Variants in CORIN observed in about 807,000 individuals in gnomAD.
CORIN encodes the protein atrial natriuretic peptide-converting enzyme.
Under a neutral mutation model 125.3 loss-of-function variants are expected in CORIN, and 117 were observed. The observed-to-expected ratio is 0.93, with a 90% CI of 0.80 to 1.09. The LOEUF is 1.09. CORIN is among the 50% of genes least tolerant of loss of function. The pLI is 0.00. For missense variants in CORIN, 1,253 were observed against 1,306.7 expected (o/e 0.96, Z 0.63); for synonymous variants, 450 against 466.4 (o/e 0.96, Z 0.45).
intron 16 of CORIN, among the ~76,000 whole-genome samples, chr4:47,636,399 A>T (rs895268163): frequency 1.3e-5 from 2 of 152,202 alleles, no homozygotes; most frequent in African/African-American, 4.8e-5. Context: ...GATTTGTATC[A>T]TCAATTAAAT....
Position 47,674,520 on chromosome 4 carries a change from C to T in CORIN, c.1250-20G>A, listed in dbSNP as rs1445201542. 1 of 1,465,722 alleles carries T rather than the reference C, an allele frequency of 6.8e-7. No individual in the cohort carries two copies. Among genetic ancestry groups the T allele is most frequent in the Non-Finnish European group, 9.6e-7 (1 of 1,045,040 alleles). 90.8% of individuals were successfully genotyped at this position (1,465,722 alleles called of 1,614,324 possible). The stretch of plus-strand genomic sequence containing the variant: ...TCTGAACTACAGAGGGAGGAAAAGG[C>T]ACATTGGCTTTCATCATCTACAAAT... On this transcript the variant is annotated intron_variant, in intron 9 of 21. Coordinates refer to ENST00000273857, the MANE Select transcript of CORIN (RefSeq NM_006587.4).
intron 4 of CORIN, among the ~76,000 whole-genome samples, chr4:47,751,569 T>C (rs1336980107): frequency 6.6e-6 from 1 of 152,196 alleles, no homozygotes; most frequent in Non-Finnish European, 1.5e-5. Flanking sequence ...CTTGTTTACA[T>C]GGCAAATTTT....
At chr4:47,768,831 T>C (rs1007250156) in intron 3 of CORIN, among the ~76,000 whole-genome samples, 4 of 152,102 alleles carry the variant, frequency 2.6e-5, no homozygotes, top group Non-Finnish European at 5.9e-5. Context: ...TTCAACACAA[T>C]AAAGGCCATC....
intron 7 of CORIN, chr4:47,681,452 A>T (rs1022137233): frequency 9.2e-5 from 14 of 152,206 alleles, no homozygotes; most frequent in Non-Finnish European, 2.1e-4. Flanking sequence ...TTGCCTGTTA[A>T]GACCATTTTT....
rs1033241784 is a variant in CORIN, at chr4:47,623,896, C to T, written c.2365+3G>A. On this transcript the variant is annotated splice_donor_region_variant and intron_variant, in intron 18 of 21. Coordinates refer to ENST00000273857, the MANE Select transcript of CORIN (RefSeq NM_006587.4). ...CCCATTGCCACACCTCTAATTCTCTCACCTTGTTTAGTACACAGAAGAGAA... is the reference window on the plus strand; with the variant it reads ...CCCATTGCCACACCTCTAATTCTCTTACCTTGTTTAGTACACAGAAGAGAA... The T allele has an allele frequency of 6.2e-6, 10 of 1,613,526 alleles. No homozygotes were observed. The Admixed American group carries it at 1.7e-4, about 27-fold the overall frequency.
chr4:47,686,211 C>T (rs1182345523), intron 6 of CORIN, among the ~76,000 whole-genome samples: 1 of 151,588 alleles, frequency 6.6e-6, no homozygotes, highest in Non-Finnish European at 1.5e-5. Context: ...AGAATCACAT[C>T]ATTTTAGGAA....
At chr4:47,723,228 T>A (rs1727436319) in intron 5 of CORIN, among the ~76,000 whole-genome samples, 1 of 152,130 alleles carries the variant, frequency 6.6e-6, no homozygotes, top group Non-Finnish European at 1.5e-5. Flanking sequence ...AAACTAGAGC[T>A]TTTTTGACAG....
At chr4:47,681,610 C>CTATAATTTCTGTGATCTA (rs1388539576) in intron 7 of CORIN, 1 of 152,222 alleles carries the variant, frequency 6.6e-6, no homozygotes, top group Non-Finnish European at 1.5e-5. Flanking sequence ...CCTCCTGCAA[C>CTATAATTTCTGTGATCTA]TATAATTTCT....
At chr4:47,668,149 T>C (rs1305676511) in intron 10 of CORIN, among the ~76,000 whole-genome samples, 3 of 152,254 alleles carry the variant, frequency 2.0e-5, no homozygotes, top group South Asian at 2.1e-4. Context: ...TAAATGTATG[T>C]TGTTTATAAG....
intron 21 of CORIN, among the ~76,000 whole-genome samples, chr4:47,599,654 T>A (rs1355715386): frequency 6.6e-6 from 1 of 152,194 alleles, no homozygotes; most frequent in East Asian, 1.9e-4. Flanking sequence ...CCATGAATCC[T>A]GAGTATCTAA....
intron 19 of CORIN, among the ~76,000 whole-genome samples, chr4:47,609,624 A>AT (rs1178551332): frequency 6.6e-6 from 1 of 152,028 alleles, no homozygotes; most frequent in Non-Finnish European, 1.5e-5. Flanking sequence ...AAGTTCCGGG[A>AT]TACATGTGCA....
chr4:47,696,464 C>CA (rs113439913), intron 5 of CORIN, among the ~76,000 whole-genome samples: 2,384 of 150,718 alleles, frequency 0.016, 30 homozygotes, highest in African/African-American at 0.039. Context: ...GAGAAGAAAA[C>CA]AAAAAAAAAT....
At chr4:47,761,277 T>C (rs981653892) in intron 4 of CORIN, among the ~76,000 whole-genome samples, 4 of 152,184 alleles carry the variant, frequency 2.6e-5, no homozygotes, top group Admixed American at 1.3e-4. Flanking sequence ...TAGCTTTTCA[T>C]TTAAAGTGAG....
chr4:47,837,612 C>T (rs981898517), intron 1 of CORIN: 1 of 561,442 alleles, frequency 1.8e-6, no homozygotes, highest in African/African-American at 1.9e-5. Context: ...CGGATCGAGC[C>T]GACTCGAACA....
At chr4:47,687,890 G>A (rs946945063) in intron 6 of CORIN, among the ~76,000 whole-genome samples, 3 of 152,166 alleles carry the variant, frequency 2.0e-5, no homozygotes, top group African/African-American at 7.2e-5. Context: ...TTGGCTTCCA[G>A]CTCTAGAAAA....
At chr4:47,665,322 T>C in intron 10 of CORIN, 59 bp from the exon 11 acceptor site, 3 of 1,283,508 alleles carry the variant, frequency 2.3e-6, no homozygotes, top group Non-Finnish European at 3.3e-6. Context: ...ACAACTTCTT[T>C]AAGTTTTACA....
chr4:47,793,123 T>C (rs1731150195), intron 2 of CORIN, among the ~76,000 whole-genome samples: 1 of 152,196 alleles, frequency 6.6e-6, no homozygotes, highest in South Asian at 2.1e-4. Context: ...AGCAATCTGA[T>C]GATTTCCTCC....
chr4:47,600,213 C>T lies in CORIN; in HGVS notation c.2946+1G>A. Reference sequence around the variant, plus strand: ...TCCTTGGTAACCAGAAAGCAACTTACCATGCATGAATCAACTGTGCCAGAC... The same window carrying T: ...TCCTTGGTAACCAGAAAGCAACTTATCATGCATGAATCAACTGTGCCAGAC... On this transcript the variant is annotated splice_donor_variant, in intron 21 of 21. Transcript: ENST00000273857. LOFTEE classifies it high-confidence loss of function. The T allele has an allele frequency of 4.4e-6, 7 of 1,605,494 alleles. No individual in the cohort carries two copies. Among genetic ancestry groups the T allele is most frequent in the Non-Finnish European group, 6.0e-6 (7 of 1,175,306 alleles).
At chr4:47,670,006 T>A (rs1724671946) in intron 10 of CORIN, among the ~76,000 whole-genome samples, 1 of 152,252 alleles carries the variant, frequency 6.6e-6, no homozygotes, top group South Asian at 2.1e-4. Context: ...TTTTTCTTTA[T>A]AATTTAACTA....
Sources: allele counts gnomAD v4.1 joint callset (sites outside exome capture counted in the v4.1 genomes callset), GRCh38; gene constraint gnomAD v4.1.1; transcripts MANE v1.5; gene names NCBI Gene and HGNC (gene_info 2026-07-23, HGNC 2026-07-21).